The following PGCKA1 variants were observed in gnomAD, a reference collection of about 807,000 sequenced individuals.
PGCKA1 encodes PDCD10 and GCKIII kinases-associated protein 1.
the PGCKA1 span, among the ~76,000 whole-genome samples, chr4:37,567,781 C>T: frequency 3.9e-5 from 6 of 152,034 alleles, no homozygotes; most frequent in Non-Finnish European, 5.9e-5. Flanking sequence ...GTGGAGCCAT[C>T]GTGAAGTCAG....
chr4:37,569,137 C>A, the PGCKA1 span, among the ~76,000 whole-genome samples: 1 of 151,960 alleles, frequency 6.6e-6, no homozygotes, highest in African/African-American at 2.4e-5. Context: ...TTCACCATGT[C>A]CATGCCATTG....
the PGCKA1 span, among the ~76,000 whole-genome samples, chr4:37,551,505 A>G: frequency 1.3e-5 from 2 of 152,164 alleles, no homozygotes; most frequent in Admixed American, 1.3e-4. Context: ...CGGCAAAAAA[A>G]CCCTCAGATA....
the PGCKA1 span, among the ~76,000 whole-genome samples, chr4:37,495,240 C>G: frequency 6.6e-6 from 1 of 152,222 alleles, no homozygotes; most frequent in Admixed American, 6.5e-5. Context: ...ATAACAGAAG[C>G]TGGAGAGGAT....
At chr4:37,510,971 C>A in the PGCKA1 span, among the ~76,000 whole-genome samples, 68 of 151,976 alleles carry the variant, frequency 4.5e-4, no homozygotes, top group African/African-American at 1.6e-3. Flanking sequence ...AAGAGCCTCA[C>A]CCCATTGCCA....
chr4:37,490,418 A>C, the PGCKA1 span, among the ~76,000 whole-genome samples: 1 of 152,198 alleles, frequency 6.6e-6, no homozygotes, highest in Non-Finnish European at 1.5e-5. Flanking sequence ...CATGTACTAG[A>C]AACGTGTAGG....
At chr4:37,555,763 A>T in the PGCKA1 span, among the ~76,000 whole-genome samples, 1 of 152,232 alleles carries the variant, frequency 6.6e-6, no homozygotes, top group South Asian at 2.1e-4. Context: ...AGAGCCCTGT[A>T]CCTCAAACCT....
the PGCKA1 span, among the ~76,000 whole-genome samples, chr4:37,573,250 CAGTT>C: frequency 6.6e-6 from 1 of 152,184 alleles, no homozygotes; most frequent in Non-Finnish European, 1.5e-5. Flanking sequence ...ACAAATCTAT[CAGTT>C]AGTAGTCATT....
At chr4:37,498,147 C>T in the PGCKA1 span, among the ~76,000 whole-genome samples, 1 of 152,158 alleles carries the variant, frequency 6.6e-6, no homozygotes, top group African/African-American at 2.4e-5. Flanking sequence ...ATTATCCAAG[C>T]ACCATTTGTT....
the PGCKA1 span, among the ~76,000 whole-genome samples, chr4:37,482,965 CA>C: frequency 1.3e-5 from 2 of 152,050 alleles, no homozygotes; most frequent in African/African-American, 2.4e-5. Flanking sequence ...TGGGAGGGGC[CA>C]GGGGAAGAAT....
At chr4:37,453,972 GC>G in the PGCKA1 span, 1 of 157,234 alleles carries the variant, frequency 6.4e-6, no homozygotes, top group East Asian at 1.9e-4. Context: ...CGGCGCGGCT[GC>G]CCGAGGCCGG....
the PGCKA1 span, among the ~76,000 whole-genome samples, chr4:37,562,323 G>A: frequency 1.3e-5 from 2 of 152,154 alleles, no homozygotes; most frequent in Admixed American, 6.5e-5. Context: ...ACATAAGAAG[G>A]AATATGTACA....
At chr4:37,565,026 G>A in the PGCKA1 span, among the ~76,000 whole-genome samples, 1 of 151,988 alleles carries the variant, frequency 6.6e-6, no homozygotes, top group Admixed American at 6.6e-5. Flanking sequence ...ACTACATCTT[G>A]TCTGCTCCAA....
the PGCKA1 span, among the ~76,000 whole-genome samples, chr4:37,581,535 T>A: frequency 6.6e-6 from 1 of 152,080 alleles, no homozygotes; most frequent in African/African-American, 2.4e-5. This position sits in a 1 kb window ranked among gnomAD's most constrained non-coding sequence, Gnocchi z 4.4. Context: ...ATAAATGTCA[T>A]CTAGGAGCTG....
chr4:37,566,734 C>A, the PGCKA1 span, among the ~76,000 whole-genome samples: 129 of 152,256 alleles, frequency 8.5e-4, 2 homozygotes, highest in Middle Eastern at 0.017. Context: ...AGGTGCACCA[C>A]CACACCCAGC....
At chr4:37,557,398 C>A in the PGCKA1 span, among the ~76,000 whole-genome samples, 1 of 152,040 alleles carries the variant, frequency 6.6e-6, no homozygotes, top group South Asian at 2.1e-4. Flanking sequence ...TAAGAAAATA[C>A]CAGAAAGTGG....
the PGCKA1 span, among the ~76,000 whole-genome samples, chr4:37,483,981 G>T: frequency 6.6e-6 from 1 of 152,100 alleles, no homozygotes; most frequent in Admixed American, 6.6e-5. Context: ...TATGTTCATG[G>T]ATCATTCTGC....
the PGCKA1 span, among the ~76,000 whole-genome samples, chr4:37,464,805 A>G: frequency 1.4e-4 from 22 of 152,352 alleles, no homozygotes. Context: ...ATATACCCCA[A>G]GCATGTAAAG....
the PGCKA1 span, among the ~76,000 whole-genome samples, chr4:37,535,140 G>C: frequency 2.6e-5 from 4 of 152,204 alleles, no homozygotes; most frequent in African/African-American, 9.7e-5. Flanking sequence ...GAGTCAGCCA[G>C]ATGCTATAAG....
the PGCKA1 span, among the ~76,000 whole-genome samples, chr4:37,557,581 G>C: frequency 1.3e-5 from 2 of 152,110 alleles, no homozygotes; most frequent in Non-Finnish European, 2.9e-5. Flanking sequence ...TTTAATAATG[G>C]CACTGATTTT....
Sources: gnomAD v4.1 joint callset for allele counts (sites outside exome capture counted in the v4.1 genomes callset) on GRCh38, gnomAD v4.1.1 for gene constraint, Gnocchi (gnomAD v3.1) non-coding constraint, MANE v1.5 for transcripts, NCBI Gene and HGNC (gene_info 2026-07-23, HGNC 2026-07-21) for gene names.